The following ARB2A variants were observed in gnomAD, a reference collection of about 807,000 sequenced individuals.
ARB2A encodes the protein ARB2 cotranscriptional regulator A, also known as cotranscriptional regulator ARB2A.
the ARB2A span, among the ~76,000 whole-genome samples, chr5:93,851,574 G>A: frequency 2.0e-5 from 3 of 152,104 alleles, no homozygotes; most frequent in Non-Finnish European, 4.4e-5. Flanking sequence ...TTTAGCATTA[G>A]GTATATCTCC....
the ARB2A span, among the ~76,000 whole-genome samples, chr5:93,988,651 G>A: frequency 6.6e-6 from 1 of 152,054 alleles, no homozygotes; most frequent in Non-Finnish European, 1.5e-5. Context: ...ACTTGTCTTG[G>A]GCTGAATGTC....
the ARB2A span, among the ~76,000 whole-genome samples, chr5:94,093,211 C>T: frequency 6.6e-6 from 1 of 151,864 alleles, no homozygotes; most frequent in Non-Finnish European, 1.5e-5. Context: ...TATAGGAAAC[C>T]GTGCTCTACT....
chr5:93,798,692 T>C, the ARB2A span, among the ~76,000 whole-genome samples: 4 of 152,220 alleles, frequency 2.6e-5, no homozygotes, highest in South Asian at 8.3e-4. Flanking sequence ...TAAAGTGACT[T>C]AGGTGTCACC....
chr5:94,009,395 G>A, the ARB2A span, among the ~76,000 whole-genome samples: 4 of 151,994 alleles, frequency 2.6e-5, no homozygotes, highest in South Asian at 8.3e-4. Flanking sequence ...GCTACTCAAA[G>A]TTCCCCAGTA....
chr5:94,068,308 G>A, the ARB2A span, among the ~76,000 whole-genome samples: 3 of 152,234 alleles, frequency 2.0e-5, no homozygotes, highest in Non-Finnish European at 2.9e-5. Flanking sequence ...AATTGGGAGC[G>A]GCAATGGGCA....
the ARB2A span, among the ~76,000 whole-genome samples, chr5:93,633,373 T>G: frequency 2.0e-5 from 3 of 152,242 alleles, no homozygotes; most frequent in Non-Finnish European, 4.4e-5. Context: ...TTGTGTCACA[T>G]ACCTCTTCCT....
chr5:93,692,772 C>T, the ARB2A span, among the ~76,000 whole-genome samples: 1 of 152,190 alleles, frequency 6.6e-6, no homozygotes, highest in East Asian at 1.9e-4. Flanking sequence ...CCACATCATA[C>T]TTATTCTAAA....
chr5:93,930,021 T>C, the ARB2A span, among the ~76,000 whole-genome samples: 12 of 151,804 alleles, frequency 7.9e-5, no homozygotes, highest in Admixed American at 1.3e-4. Flanking sequence ...TACATTCAAA[T>C]TGATTTTGGA....
chr5:94,013,723 T>C, the ARB2A span, among the ~76,000 whole-genome samples: 1 of 151,998 alleles, frequency 6.6e-6, no homozygotes, highest in South Asian at 2.1e-4. Context: ...TCCAAGATGC[T>C]GGAATATAAA....
chr5:93,909,257 C>A, the ARB2A span, among the ~76,000 whole-genome samples: 1 of 150,830 alleles, frequency 6.6e-6, no homozygotes, highest in Non-Finnish European at 1.5e-5. Context: ...TGGAGAATAA[C>A]AGTTAGTAAT....
chr5:93,963,769 T>C, the ARB2A span, among the ~76,000 whole-genome samples: 1 of 151,972 alleles, frequency 6.6e-6, no homozygotes, highest in African/African-American at 2.4e-5. Flanking sequence ...GATCCTCCAA[T>C]CTAGTCCAAC....
chr5:93,727,082 T>C, the ARB2A span, among the ~76,000 whole-genome samples: 2 of 152,042 alleles, frequency 1.3e-5, no homozygotes, highest in African/African-American at 4.8e-5. Flanking sequence ...TAAAAGTAGT[T>C]TGCATTTGCT....
chr5:93,919,569 C>T, the ARB2A span, among the ~76,000 whole-genome samples: 1 of 152,058 alleles, frequency 6.6e-6, no homozygotes, highest in Non-Finnish European at 1.5e-5. Context: ...TTGTGATTGG[C>T]AATCATTTAT....
the ARB2A span, among the ~76,000 whole-genome samples, chr5:93,680,775 A>G: frequency 2.0e-5 from 3 of 152,166 alleles, no homozygotes; most frequent in Non-Finnish European, 4.4e-5. Flanking sequence ...AAAGGTGTCA[A>G]AGTCAAAGGT....
the ARB2A span, among the ~76,000 whole-genome samples, chr5:93,670,411 C>T: frequency 5.7e-3 from 873 of 152,326 alleles, 11 homozygotes; most frequent in African/African-American, 0.02. Flanking sequence ...CACTCACCTT[C>T]GTTTGTTCCT....
the ARB2A span, among the ~76,000 whole-genome samples, chr5:93,630,066 G>A: frequency 6.6e-6 from 1 of 151,946 alleles, no homozygotes; most frequent in Non-Finnish European, 1.5e-5. Flanking sequence ...AGAAATATCA[G>A]AACACTGAAA....
At chr5:93,943,603 T>C in the ARB2A span, among the ~76,000 whole-genome samples, 1 of 152,162 alleles carries the variant, frequency 6.6e-6, no homozygotes, top group African/African-American at 2.4e-5. Flanking sequence ...GGCATAGGTA[T>C]CCATTATAAC....
the ARB2A span, among the ~76,000 whole-genome samples, chr5:93,626,508 C>G: frequency 6.6e-6 from 1 of 152,134 alleles, no homozygotes; most frequent in African/African-American, 2.4e-5. Context: ...TTGAAGATAT[C>G]GTGGGTTTGG....
chr5:93,651,162 G>A, the ARB2A span, among the ~76,000 whole-genome samples: 1 of 150,974 alleles, frequency 6.6e-6, no homozygotes, highest in Non-Finnish European at 1.5e-5. Context: ...TTGAGACAGG[G>A]TCTCACTCTG....
Sources: allele counts gnomAD v4.1 joint callset (sites outside exome capture counted in the v4.1 genomes callset), GRCh38; gene constraint gnomAD v4.1.1; transcripts MANE v1.5; gene names NCBI Gene and HGNC (gene_info 2026-07-23, HGNC 2026-07-21).